BRD7: variants seen among roughly 807,000 people sequenced by gnomAD.
BRD7 encodes bromodomain-containing protein 7.
A neutral mutation model predicts 82.1 loss-of-function variants in BRD7; 15 were observed. That is an observed-to-expected ratio of 0.18 (90% CI 0.12 to 0.28). The LOEUF is 0.28. Among genes scored for constraint, BRD7 ranks in the 10% least tolerant of loss-of-function variants. BRD7 has a pLI of 1.00. For missense variants in BRD7, 638 were observed against 779.9 expected, an observed-to-expected ratio of 0.82 and a Z score of 2.17; for synonymous variants, 232 against 266.9, an observed-to-expected ratio of 0.87 and a Z score of 1.27.
chr16:50,359,362 C>T lies in BRD7; in HGVS notation c.259-4440G>A, dbSNP rs1376893518. 2.6e-5 allele frequency among the ~76,000 whole-genome samples: 4 copies of T among 152,066 alleles called. No individual in the cohort carries two copies. The East Asian group carries it at 7.7e-4, about 29-fold the overall frequency. ...AACGTTCTAATCTTTAAAATAGACACAAGAATACATACCTCACAGGACTAT... is the reference window on the plus strand; with the variant it reads ...AACGTTCTAATCTTTAAAATAGACATAAGAATACATACCTCACAGGACTAT... On this transcript the variant is annotated intron_variant, in intron 2 of 16. Transcript: ENST00000394688.
chr16:50,365,442 TTTGTA>T (rs2151215497), intron 2 of BRD7, among the ~76,000 whole-genome samples: 1 of 152,266 alleles, frequency 6.6e-6, no homozygotes, highest in Non-Finnish European at 1.5e-5. Context: ...TTTACTCAGC[TTTGTA>T]CAAACTGCAA....
chr16:50,333,291 T>C (rs1371333487), intron 8 of BRD7, among the ~76,000 whole-genome samples: 1 of 152,228 alleles, frequency 6.6e-6, no homozygotes, highest in Non-Finnish European at 1.5e-5. Context: ...ATTAATCATG[T>C]ACTTTACAAA....
At chr16:50,344,664 T>A (rs772917783) in intron 5 of BRD7, among the ~76,000 whole-genome samples, 1 of 152,152 alleles carries the variant, frequency 6.6e-6, no homozygotes, top group Non-Finnish European at 1.5e-5. Context: ...AGAAAGGGTA[T>A]CAATGATTGA....
chr16:50,354,901 G>T lies in BRD7; in HGVS notation c.280C>A (p.Arg94=), dbSNP rs571242721. Residue 94 remains arginine (R), a synonymous_variant, in exon 3 of 17, where the codon CGA becomes AGA. Transcript: ENST00000394688. ...TCTGCCTCATTCTCCACCCGGTCTCGATCTCGCTTCTTTTTATCCTCCTAA... is the reference window on the plus strand; with the variant it reads ...TCTGCCTCATTCTCCACCCGGTCTCTATCTCGCTTCTTTTTATCCTCCTAA... ...RVKEDKKKRD[R]DRVENEAEKD... is the part of the protein sequence containing the mutation. The T allele has an allele frequency of 1.2e-6, 2 of 1,613,902 alleles. No homozygotes were observed. Among genetic ancestry groups the T allele is most frequent in the East Asian group, 2.2e-5 (1 of 44,868 alleles).
intron 5 of BRD7, among the ~76,000 whole-genome samples, chr16:50,341,698 G>A (rs1006121499): frequency 2.7e-5 from 4 of 149,752 alleles, no homozygotes; most frequent in East Asian, 3.9e-4. Context: ...GCAAGTGAAC[G>A]GAGATACTAG....
intron 15 of BRD7, 52 bp downstream of exon 15, chr16:50,320,196 T>A: frequency 6.4e-7 from 1 of 1,571,296 alleles, no homozygotes; most frequent in Non-Finnish European, 8.6e-7. Flanking sequence ...ACTCAAGAAG[T>A]TTTTTCTTTG....
chr16:50,331,792 T>C (rs1339975937), intron 8 of BRD7, among the ~76,000 whole-genome samples: 1 of 151,932 alleles, frequency 6.6e-6, no homozygotes. Flanking sequence ...ATAAACAAAA[T>C]AACTCACAGA....
At position 50,318,156 on chromosome 16, in the gene BRD7, T is replaced by G. The variant is rs1226130997; in HGVS notation, c.*1055A>C. On this transcript the variant is annotated 3_prime_UTR_variant, in exon 17 of 17. Coordinates refer to ENST00000394688, the MANE Select transcript of BRD7 (RefSeq NM_013263.5). ...TCAAATATCTGAAGGTATTTTATTTTCGTGGTCCTCATGAACTCACTAGAG... is the reference window on the plus strand; with the variant it reads ...TCAAATATCTGAAGGTATTTTATTTGCGTGGTCCTCATGAACTCACTAGAG... 6.6e-6 allele frequency: 1 copy of G among 152,302 alleles called. No individual in the cohort carries two copies. The highest frequency in any genetic ancestry group is 1.5e-5 in the Non-Finnish European group (1 of 68,040). The allele number at this position is 152,302 out of a possible 1,614,324, so 9.4% of individuals were successfully genotyped here.
In BRD7 at chr16:50,333,475, G is replaced by C; in HGVS notation, c.1011+99C>G. On this transcript the variant is annotated intron_variant, in intron 8 of 16. Coordinates refer to ENST00000394688, the MANE Select transcript of BRD7 (RefSeq NM_013263.5). ...GTATTATACTGATGAAGAGCTCTAT[G>C]GCAGATATGGATTAAAAATACGCAA... The C allele has an allele frequency of 4.8e-6, 7 of 1,443,922 alleles. No homozygotes were observed. In the South Asian group the frequency reaches 8.9e-5, roughly 18 times the overall value. The allele number at this position is 1,443,922 out of a possible 1,614,324, so 89.4% of individuals were successfully genotyped here.
At chr16:50,351,238 T>C (rs976434696) in intron 4 of BRD7, among the ~76,000 whole-genome samples, 1 of 152,196 alleles carries the variant, frequency 6.6e-6, no homozygotes, top group Non-Finnish European at 1.5e-5. Context: ...CGGAGGATAC[T>C]GAGGCTCAGT....
In BRD7 at chr16:50,356,737, T is replaced by TAC. The variant is rs147556563; in HGVS notation, c.259-1816_259-1815insGT. On this transcript the variant is annotated intron_variant, in intron 2 of 16. Coordinates refer to ENST00000394688, the MANE Select transcript of BRD7 (RefSeq NM_013263.5). The stretch of plus-strand genomic sequence containing the variant: ...GGGAAAAAAAAAATATATATATATA[T>TAC]ATACACACACACACACACATATATA... Among the ~76,000 whole-genome samples the TAC allele has an allele frequency of 4.4e-4, 64 of 147,110 alleles. 1 individual carries two copies. Among genetic ancestry groups the TAC allele is most frequent in the African/African-American group, 1.3e-3 (55 of 40,782 alleles).
chr16:50,354,890 C>A lies in BRD7; in HGVS notation c.291G>T (p.Val97=), dbSNP rs141605645. ...GGAGATCTTTTTCTGCCTCATTCTC[C>A]ACCCGGTCTCGATCTCGCTTCTTTT... ...EDKKKRDRDR[V]ENEAEKDLQC... The change falls in exon 3 of 17, where the codon GTG becomes GTT. Residue 97 remains valine, a synonymous_variant. Transcript: ENST00000394688. 6.2e-7 allele frequency: 1 copy of A among 1,613,916 alleles called. No homozygotes were observed. Among genetic ancestry groups the A allele is most frequent in the African/African-American group, 1.3e-5 (1 of 75,038 alleles).
chr16:50,330,336 A>ATTTTTTTTTTTTTTTT (rs1567604853), intron 8 of BRD7, among the ~76,000 whole-genome samples: 1 of 139,770 alleles, frequency 7.2e-6, no homozygotes. Context: ...AAAAGAGGAC[A>ATTTTTTTTTTTTTTTT]CTTTTTTTTT....
At chr16:50,333,720 A>G in intron 7 of BRD7, 23 bp from the exon 8 acceptor site, 1 of 1,281,634 alleles carries the variant, frequency 7.8e-7, no homozygotes, top group Non-Finnish European at 1.0e-6. Context: ...ATTAATACTA[A>G]GTAAAAAAAA....
rs572046680 is a variant in BRD7, at chr16:50,324,316, C to T, written c.1332-618G>A. On this transcript the variant is annotated intron_variant, in intron 11 of 16. Transcript: ENST00000394688. ...CCCAGAACCTCACCTGCTACTCCCC[C>T]GGTCCATTTCTCATCTCCCTACTTC... Among the ~76,000 whole-genome samples the T allele has an allele frequency of 5.3e-5, 8 of 152,264 alleles. No individual in the cohort carries two copies. In the South Asian group the frequency reaches 1.5e-3, roughly 28 times the overall value.
intron 12 of BRD7, among the ~76,000 whole-genome samples, chr16:50,322,667 T>C (rs1208350015): frequency 6.6e-6 from 1 of 152,226 alleles, no homozygotes; most frequent in Admixed American, 6.5e-5. Flanking sequence ...AACTGCTATA[T>C]TGAAGGACAA....
chr16:50,319,827 CTG>C, intron 16 of BRD7, 58 bp downstream of exon 16: 1 of 1,562,270 alleles, frequency 6.4e-7, no homozygotes, highest in Non-Finnish European at 8.6e-7. Context: ...CGGGCAGACA[CTG>C]AGGGATGACT....
intron 5 of BRD7, among the ~76,000 whole-genome samples, chr16:50,346,523 G>T (rs903533578): frequency 1.3e-5 from 2 of 152,120 alleles, no homozygotes; most frequent in African/African-American, 4.8e-5. Flanking sequence ...TAGACCACTA[G>T]CAAGACTAAG....
intron 5 of BRD7, chr16:50,349,771 T>C (rs1009430468): frequency 5.1e-6 from 2 of 392,472 alleles, no homozygotes; most frequent in Admixed American, 8.6e-5. Flanking sequence ...AAAAATATAC[T>C]GTGGAACACA....
Sources: gnomAD v4.1 joint callset for allele counts (sites outside exome capture counted in the v4.1 genomes callset) on GRCh38, gnomAD v4.1.1 for gene constraint, MANE v1.5 for transcripts, NCBI Gene and HGNC (gene_info 2026-07-23, HGNC 2026-07-21) for gene names.